Variants in PPM1A observed in about 807,000 individuals in gnomAD.
PPM1A encodes the protein protein phosphatase, Mg2+/Mn2+ dependent 1A, also known as protein phosphatase 1A.
PPM1A carries 7 observed loss-of-function variants against 35.0 expected under a neutral mutation model. The observed-to-expected ratio is 0.20, with a 90% CI of 0.11 to 0.38. The LOEUF (loss-of-function observed/expected upper bound fraction) is 0.38. Among genes scored for constraint, PPM1A ranks in the 10% least tolerant of loss-of-function variants. PPM1A has a pLI of 1.00. For synonymous variants in PPM1A, 153 were observed against 167.3 expected (o/e 0.91, Z 0.66); for missense variants, 239 against 467.8 (o/e 0.51, Z 4.51).
At chr14:60,288,629 A>G (rs1887287369) in intron 3 of PPM1A, 2 of 840,552 alleles carry the variant, frequency 2.4e-6, no homozygotes, top group East Asian at 1.2e-4. Flanking sequence ...GATGGTAAAA[A>G]TTTGGCCTTT....
rs1389562790 is a variant in PPM1A, at chr14:60,298,330, T to C, written c.*5848T>C. On this transcript the variant is annotated 3_prime_UTR_variant, in exon 6 of 6. Transcript: ENST00000395076. ...CTTTCTAGTATTAGGATTCATTAAATGTTCAATTCATTTCATATTCTAAGG... is the reference window on the plus strand; with the variant it reads ...CTTTCTAGTATTAGGATTCATTAAACGTTCAATTCATTTCATATTCTAAGG... 4 of 151,794 alleles carry C rather than the reference T, an allele frequency of 2.6e-5. No homozygotes were observed. Among genetic ancestry groups the C allele is most frequent in the African/African-American group, 9.7e-5 (4 of 41,426 alleles). The allele number at this position is 151,794 out of a possible 1,614,324, so 9.4% of individuals were successfully genotyped here.
At chr14:60,250,150 C>T (rs879428610) in intron 1 of PPM1A, among the ~76,000 whole-genome samples, 3 of 152,036 alleles carry the variant, frequency 2.0e-5, no homozygotes, top group Non-Finnish European at 4.4e-5. Context: ...CCGGGCTTAG[C>T]CTCGAAAAAC....
intron 1 of PPM1A, among the ~76,000 whole-genome samples, chr14:60,253,965 G>GT (rs201628486): frequency 3.3e-3 from 506 of 151,332 alleles, no homozygotes; most frequent in Non-Finnish European, 5.5e-3. Context: ...TCTTAAACCT[G>GT]TTTTTTTTTA....
chr14:60,253,153 A>G (rs771094224), intron 1 of PPM1A, among the ~76,000 whole-genome samples: 31 of 152,096 alleles, frequency 2.0e-4, no homozygotes, highest in Non-Finnish European at 3.7e-4. Context: ...AGTTTTTATA[A>G]TTCTTAATAT....
At chr14:60,286,991 G>A in intron 3 of PPM1A, 1 of 890,118 alleles carries the variant, frequency 1.1e-6, no homozygotes, top group Middle Eastern at 5.8e-4. Flanking sequence ...ACAATCATTG[G>A]TTCAAACTAT....
intron 3 of PPM1A, chr14:60,286,383 T>C: frequency 1.0e-6 from 1 of 985,720 alleles, no homozygotes; most frequent in Non-Finnish European, 1.2e-6. Flanking sequence ...GGAGTATATT[T>C]CTCATAATTC....
intron 1 of PPM1A, among the ~76,000 whole-genome samples, chr14:60,275,603 C>CA (rs1381703778): frequency 6.6e-6 from 1 of 152,192 alleles, no homozygotes; most frequent in Admixed American, 6.5e-5. Flanking sequence ...CCTCCTTCCT[C>CA]AGCCTCCTGA....
intron 1 of PPM1A, among the ~76,000 whole-genome samples, chr14:60,259,142 A>G (rs1883469565): frequency 6.6e-6 from 1 of 152,092 alleles, no homozygotes; most frequent in Admixed American, 6.6e-5. Context: ...ACATACACAA[A>G]AAAATTGCAT....
chr14:60,264,518 T>C (rs561015388), intron 1 of PPM1A, among the ~76,000 whole-genome samples: 1 of 152,194 alleles, frequency 6.6e-6, no homozygotes, highest in Admixed American at 6.5e-5. Flanking sequence ...AATATTTGTT[T>C]TATTTTGCCA....
At chr14:60,266,366 C>G (rs898368041) in intron 1 of PPM1A, among the ~76,000 whole-genome samples, 2 of 152,072 alleles carry the variant, frequency 1.3e-5, no homozygotes, top group Non-Finnish European at 2.9e-5. Flanking sequence ...GTAGGAGTTT[C>G]TTTTCTCTGG....
intron 1 of PPM1A, among the ~76,000 whole-genome samples, chr14:60,252,789 T>C (rs1385253206): frequency 6.6e-6 from 1 of 152,192 alleles, no homozygotes; most frequent in East Asian, 1.9e-4. Flanking sequence ...TCAAATGTCT[T>C]ATGTTCTCCA....
Position 60,249,670 on chromosome 14 carries a change from T to C in PPM1A, c.-28T>C, listed in dbSNP as rs1026784497. 57 of 982,934 alleles carry C rather than the reference T, an allele frequency of 5.8e-5. No individual in the cohort carries two copies. In the African/African-American group the frequency reaches 9.2e-4, roughly 16 times the overall value. The allele number at this position is 982,934 out of a possible 1,614,324, so 60.9% of individuals were successfully genotyped here. The stretch of plus-strand genomic sequence containing the variant: ...GACCAGGGACCTGCCCGCCTGCGGC[T>C]GCTCCGGGTAAGTGCGGCGCTCGGG... On this transcript the variant is annotated 5_prime_UTR_variant, in exon 1 of 6. Coordinates refer to ENST00000395076, the MANE Select transcript of PPM1A (RefSeq NM_021003.5). The surrounding 1 kb of genome is among the most constrained non-coding windows in gnomAD (Gnocchi z 4.5).
At chr14:60,274,401 C>T (rs1210413446) in intron 1 of PPM1A, among the ~76,000 whole-genome samples, 1 of 151,896 alleles carries the variant, frequency 6.6e-6, no homozygotes, top group Non-Finnish European at 1.5e-5. Flanking sequence ...ACATGGGTAG[C>T]TCGAGGGGAA....
At chr14:60,269,851 T>C (rs762991566) in intron 1 of PPM1A, among the ~76,000 whole-genome samples, 34 of 152,190 alleles carry the variant, frequency 2.2e-4, no homozygotes, top group Non-Finnish European at 4.6e-4. Context: ...GCCCAGCCGA[T>C]GGCATGTTTA....
At chr14:60,280,914 A>G (rs1886334107) in intron 1 of PPM1A, among the ~76,000 whole-genome samples, 1 of 152,182 alleles carries the variant, frequency 6.6e-6, no homozygotes, top group Non-Finnish European at 1.5e-5. Flanking sequence ...GGGGTTAATG[A>G]TGCTTTAGAG....
intron 3 of PPM1A, chr14:60,287,282 G>C: frequency 8.2e-6 from 8 of 981,380 alleles, no homozygotes; most frequent in Non-Finnish European, 9.7e-6. Flanking sequence ...TATCAAGCAA[G>C]AGTTGCCACC....
chr14:60,286,835 A>AT (rs1298283021), intron 3 of PPM1A: 1 of 983,446 alleles, frequency 1.0e-6, no homozygotes, highest in Non-Finnish European at 1.2e-6. Context: ...TGTTTGTACT[A>AT]TTTAGTATTG....
chr14:60,298,476 T>C lies in PPM1A; in HGVS notation c.*5994T>C, dbSNP rs1250796548. Reference sequence around the variant, plus strand: ...TAATAAGTACAATGTAACAAACGTATAGAATTTTGCATTTGTTGCCAAAAT... The same window carrying C: ...TAATAAGTACAATGTAACAAACGTACAGAATTTTGCATTTGTTGCCAAAAT... On this transcript the variant is annotated 3_prime_UTR_variant, in exon 6 of 6. Transcript: ENST00000395076. 6.6e-6 allele frequency: 1 copy of C among 151,790 alleles called. No homozygotes were observed. Among genetic ancestry groups the C allele is most frequent in the Non-Finnish European group, 1.5e-5 (1 of 67,728 alleles). 9.4% of individuals were successfully genotyped at this position (151,790 alleles called of 1,614,324 possible).
upstream of PPM1A, chr14:60,246,142 T>C: frequency 9.0e-7 from 1 of 1,108,836 alleles, no homozygotes; most frequent in Non-Finnish European, 1.3e-6. Flanking sequence ...TGGTGAGGGG[T>C]ATTCTCAAAT....
Sources: gnomAD v4.1 joint callset for allele counts (sites outside exome capture counted in the v4.1 genomes callset) on GRCh38, gnomAD v4.1.1 for gene constraint, Gnocchi (gnomAD v3.1) non-coding constraint, MANE v1.5 for transcripts, NCBI Gene and HGNC (gene_info 2026-07-23, HGNC 2026-07-21) for gene names.